PPP1R13B: variants seen among roughly 807,000 people sequenced by gnomAD.
PPP1R13B encodes the protein apoptosis-stimulating of p53 protein 1.
A neutral mutation model predicts 119.8 loss-of-function variants in PPP1R13B; 44 were observed. That is an observed-to-expected ratio of 0.37 (90% confidence interval 0.29 to 0.47). The LOEUF is 0.47. PPP1R13B is among the 20% of genes least tolerant of loss of function. The probability of loss-of-function intolerance (pLI) is 0.99; values close to 1 mark genes in which losing one functional copy is unlikely to be tolerated. For synonymous variants in PPP1R13B, 542 were observed against 561.5 expected, an observed-to-expected ratio of 0.97 and a Z score of 0.49; for missense variants, 1,227 against 1,413.5, an observed-to-expected ratio of 0.87 and a Z score of 2.12.
At chr14:103,741,570 G>C (rs1318956493) in intron 11 of PPP1R13B, among the ~76,000 whole-genome samples, 1 of 152,228 alleles carries the variant, frequency 6.6e-6, no homozygotes, top group African/African-American at 2.4e-5. Context: ...TGCTCAGACA[G>C]GAAGTCAGAG....
chr14:103,768,806 C>T (rs981394982), intron 4 of PPP1R13B, among the ~76,000 whole-genome samples: 3 of 152,066 alleles, frequency 2.0e-5, no homozygotes, highest in Non-Finnish European at 4.4e-5. Flanking sequence ...CCTGACTTCA[C>T]TGATCCACCC....
rs554627012 is a variant in PPP1R13B, at chr14:103,773,598, C to T, written c.354+5147G>A. 2.5e-3 allele frequency among the ~76,000 whole-genome samples: 379 copies of T among 152,222 alleles called. 2 individuals carry two copies. Among genetic ancestry groups the T allele is most frequent in the African/African-American group, 8.8e-3 (364 of 41,538 alleles). On this transcript the variant is annotated intron_variant, in intron 4 of 16. Coordinates refer to ENST00000202556, the MANE Select transcript of PPP1R13B (RefSeq NM_015316.3). Reference sequence around the variant, plus strand: ...GTTTGGAAGTTGGCAAAAGAACAGACGAGAAATAACTGACCTAGTACATCT... The same window carrying T: ...GTTTGGAAGTTGGCAAAAGAACAGATGAGAAATAACTGACCTAGTACATCT...
chr14:103,773,351 T>C (rs904468258), intron 4 of PPP1R13B, among the ~76,000 whole-genome samples: 2 of 152,184 alleles, frequency 1.3e-5, no homozygotes, highest in Admixed American at 1.3e-4. Flanking sequence ...TAACAGAGAA[T>C]GTTCCAGAGC....
intron 5 of PPP1R13B, among the ~76,000 whole-genome samples, chr14:103,756,246 C>A (rs1039155924): frequency 2.6e-5 from 4 of 152,142 alleles, no homozygotes; most frequent in African/African-American, 9.7e-5. Flanking sequence ...TTAGCCACTA[C>A]ATCTGGCTAA....
intron 4 of PPP1R13B, among the ~76,000 whole-genome samples, chr14:103,760,213 A>C (rs2084771855): frequency 6.6e-6 from 1 of 152,244 alleles, no homozygotes; most frequent in Non-Finnish European, 1.5e-5. Context: ...AATTTCAAAG[A>C]AAATGAAAAC....
At chr14:103,807,401 A>T (rs905563897) in intron 1 of PPP1R13B, among the ~76,000 whole-genome samples, 2 of 152,196 alleles carry the variant, frequency 1.3e-5, no homozygotes, top group African/African-American at 4.8e-5. Context: ...GCTTCTTGAG[A>T]GCAGAGTTTC....
chr14:103,808,332 G>T (rs2086067240), intron 1 of PPP1R13B, among the ~76,000 whole-genome samples: 1 of 152,070 alleles, frequency 6.6e-6, no homozygotes, highest in Non-Finnish European at 1.5e-5. Flanking sequence ...AGAAACAATG[G>T]ATGTCCCTTG....
chr14:103,799,158 C>G (rs1423494521), intron 1 of PPP1R13B, among the ~76,000 whole-genome samples: 3 of 151,888 alleles, frequency 2.0e-5, no homozygotes, highest in Non-Finnish European at 4.4e-5. Flanking sequence ...TATCACCACG[C>G]CCAGCTAATT....
intron 3 of PPP1R13B, among the ~76,000 whole-genome samples, chr14:103,780,388 G>A (rs1468428756): frequency 6.8e-6 from 1 of 146,990 alleles, no homozygotes; most frequent in Admixed American, 7.0e-5. Context: ...TTGGAAGGCT[G>A]AAGTGGGAGG....
In PPP1R13B at chr14:103,735,133, T is replaced by C. The variant is rs756009576; in HGVS notation, c.*21A>G. 1.1e-5 allele frequency: 17 copies of C among 1,613,858 alleles called. No individual in the cohort carries two copies. In the East Asian group the frequency reaches 2.5e-4, roughly 23 times the overall value. On this transcript the variant is annotated 3_prime_UTR_variant, in exon 17 of 17. Coordinates refer to ENST00000202556, the MANE Select transcript of PPP1R13B (RefSeq NM_015316.3). ...TGGCTCCTGGTAGCTGGCAAGACCA[T>C]GCGGTGCTCCAAAAGGAAGTTCAGG...
chr14:103,784,262 A>G (rs892311475), intron 3 of PPP1R13B, among the ~76,000 whole-genome samples: 1 of 152,108 alleles, frequency 6.6e-6, no homozygotes, highest in Non-Finnish European at 1.5e-5. Context: ...AGTCCTGAGA[A>G]GGAAAGAAGC....
At chr14:103,823,254 G>A (rs1395389893) in intron 1 of PPP1R13B, among the ~76,000 whole-genome samples, 3 of 151,568 alleles carry the variant, frequency 2.0e-5, no homozygotes, top group Non-Finnish European at 2.9e-5. Flanking sequence ...CAGGAGAATC[G>A]CTTGAACCCA....
In PPP1R13B at chr14:103,746,924, G is replaced by A. The variant is rs141781874; in HGVS notation, c.970-371C>T. On this transcript the variant is annotated intron_variant, in intron 8 of 16. Transcript: ENST00000202556. Reference sequence around the variant, plus strand: ...CTGAGCCTGGCTTCAAATCCCCTCTGTGACTTACTCGCTGTGCTGCTTCGG... The same window carrying A: ...CTGAGCCTGGCTTCAAATCCCCTCTATGACTTACTCGCTGTGCTGCTTCGG... 3.8e-4 allele frequency: 62 copies of A among 162,960 alleles called. 1 individual carries two copies. The East Asian group carries it at 0.01, about 28-fold the overall frequency. The allele number at this position is 162,960 out of a possible 1,614,324, so 10.1% of individuals were successfully genotyped here. A position where few individuals can be genotyped will look rare whatever the true frequency, so the allele number is the denominator to read the frequency against.
Position 103,742,174 on chromosome 14 carries a change from C to G in PPP1R13B, c.1438G>C (p.Glu480Gln). 6.2e-7 allele frequency: 1 copy of G among 1,608,344 alleles called. No homozygotes were observed. Among genetic ancestry groups the G allele is most frequent in the Non-Finnish European group, 8.5e-7 (1 of 1,179,986 alleles). ...GGCAAGCTGCCTTCCTTCCTCCTTT[C>G]CAGGGAGCTTGTCGACCCAGGACCC... ...PLGPGSTSSL[E>Q]RRKEGSLPRP... Residue 480 changes from glutamate (E) to glutamine (Q), a missense_variant, in exon 11 of 17, where the codon GAA (glutamate) becomes CAA (glutamine). Transcript: ENST00000202556. The surrounding 1 kb of genome is among the most constrained non-coding windows in gnomAD (Gnocchi z 4.9).
chr14:103,762,781 G>A, intron 4 of PPP1R13B: 1 of 731,362 alleles, frequency 1.4e-6, no homozygotes, highest in Non-Finnish European at 2.5e-6. Flanking sequence ...GCAGGTGGTG[G>A]CGGCGGCCGC....
chr14:103,761,957 G>A (rs2084817466), intron 4 of PPP1R13B, among the ~76,000 whole-genome samples: 1 of 152,188 alleles, frequency 6.6e-6, no homozygotes, highest in Non-Finnish European at 1.5e-5. Context: ...TTCTGCTTTT[G>A]CTTGGCATAC....
At chr14:103,818,163 C>G (rs2086323319) in intron 1 of PPP1R13B, among the ~76,000 whole-genome samples, 1 of 152,156 alleles carries the variant, frequency 6.6e-6, no homozygotes, top group Non-Finnish European at 1.5e-5. Flanking sequence ...TGCCACCATG[C>G]AAAACATTTC....
intron 1 of PPP1R13B, among the ~76,000 whole-genome samples, chr14:103,810,682 G>A (rs1427265386): frequency 3.3e-5 from 5 of 152,034 alleles, no homozygotes; most frequent in Non-Finnish European, 5.9e-5. Context: ...TGAGGCAGGA[G>A]TATGGCGTGA....
At chr14:103,792,051 A>G (rs1234876048) in intron 2 of PPP1R13B, among the ~76,000 whole-genome samples, 1 of 152,184 alleles carries the variant, frequency 6.6e-6, no homozygotes, top group Non-Finnish European at 1.5e-5. Context: ...CATTTATTAA[A>G]ATCAATTTAC....
Sources: gnomAD v4.1 joint callset for allele counts (sites outside exome capture counted in the v4.1 genomes callset) on GRCh38, gnomAD v4.1.1 for gene constraint, Gnocchi (gnomAD v3.1) non-coding constraint, MANE v1.5 for transcripts, NCBI Gene and HGNC (gene_info 2026-07-23, HGNC 2026-07-21) for gene names.